Variants in CHRNA3 observed in about 807,000 individuals in gnomAD.
CHRNA3 encodes neuronal acetylcholine receptor subunit alpha-3.
In CHRNA3, 34 loss-of-function variants were observed where a neutral mutation model predicts 41.9. The ratio of observed to expected loss-of-function variants is 0.81; its 90% CI spans 0.62 to 1.08. CHRNA3 has a LOEUF of 1.08. Ranked by LOEUF, CHRNA3 falls within the 50% of genes least tolerant of loss-of-function variation. The pLI is 0.00. For missense variants in CHRNA3, 542 were observed against 638.3 expected (o/e 0.85, Z 1.63); for synonymous variants, 281 against 265.2 (o/e 1.06, Z -0.58).
At position 78,620,832 on chromosome 15, in the gene CHRNA3, G is replaced by C. The variant is rs1347302337; in HGVS notation, c.-38C>G. ...GGCTGGCCGCGGACCCGGACGGTCGGGAGCGGGCGCGGCGGTCGCAGAGAC... is the reference window on the plus strand; with the variant it reads ...GGCTGGCCGCGGACCCGGACGGTCGCGAGCGGGCGCGGCGGTCGCAGAGAC... On this transcript the variant is annotated 5_prime_UTR_variant, in exon 1 of 6. Transcript: ENST00000326828. The C allele has an allele frequency of 1.5e-6, 2 of 1,342,770 alleles. No homozygotes were observed. Among genetic ancestry groups the C allele is most frequent in the East Asian group, 6.3e-5 (2 of 31,726 alleles). The allele number at this position is 1,342,770 out of a possible 1,614,324, so 83.2% of individuals were successfully genotyped here.
rs556541096 is a variant in CHRNA3 at position 78,610,008 on chromosome 15, A to G, written c.377+7016T>C. On this transcript the variant is annotated intron_variant, in intron 4 of 5. Coordinates refer to ENST00000326828, the MANE Select transcript of CHRNA3 (RefSeq NM_000743.5). ...CCATTACATAATGGTAAAGGGATCA[A>G]TTCAACAAGAAGAGCTAACTATCCT... 1.6e-4 allele frequency among the ~76,000 whole-genome samples: 25 copies of G among 152,342 alleles called. No individual in the cohort carries two copies. In the East Asian group the frequency reaches 4.8e-3, roughly 29 times the overall value.
Position 78,601,538 on chromosome 15 carries a change from CT to C in CHRNA3, c.1103del (p.Lys368SerfsTer13), listed in dbSNP as rs771139306. On this transcript the variant is annotated frameshift_variant, in exon 5 of 6. Transcript: ENST00000326828. LOFTEE classifies it high-confidence loss of function. ...RPTSNEGNAQKPRPLYGAELS... is the reference protein window; with the variant it reads ...RPTSNEGNAQXPRPLYGAELS... The stretch of plus-strand genomic sequence containing the variant: ...GCTCGGCACCGTAGAGGGGCCTCGG[CT>C]TCTGAGCGTTGCCCTCGTTGCTTGT... 12 of 1,614,184 alleles carry C rather than the reference CT, an allele frequency of 7.4e-6. No individual in the cohort carries two copies. Among genetic ancestry groups the C allele is most frequent in the Admixed American group, 1.7e-5 (1 of 60,024 alleles).
chr15:78,606,484 T>C (rs1329083451), intron 4 of CHRNA3, among the ~76,000 whole-genome samples: 3 of 152,004 alleles, frequency 2.0e-5, no homozygotes, highest in Non-Finnish European at 4.4e-5. Context: ...TTTTTCAAAA[T>C]TGTGAAAGAA....
chr15:78,616,404 G>A (rs556527170), intron 4 of CHRNA3, among the ~76,000 whole-genome samples: 1 of 125,630 alleles, frequency 8.0e-6, no homozygotes, highest in South Asian at 2.7e-4. Flanking sequence ...CCAGTCAGCA[G>A]GCTGGGAACC....
intron 4 of CHRNA3, among the ~76,000 whole-genome samples, chr15:78,606,022 A>T (rs2053280706): frequency 6.6e-6 from 1 of 152,118 alleles, no homozygotes; most frequent in African/African-American, 2.4e-5. Context: ...ATGAAAACAT[A>T]TTGTAAGAAA....
Position 78,596,585 on chromosome 15 carries a change from C to A in CHRNA3, c.*19G>T. 1.3e-6 allele frequency: 2 copies of A among 1,537,588 alleles called. No individual in the cohort carries two copies. Among genetic ancestry groups the A allele is most frequent in the Non-Finnish European group, 1.7e-6 (2 of 1,146,776 alleles). The stretch of plus-strand genomic sequence containing the variant: ...CCCTGACACAAGGAAGTCTCCCAGG[C>A]AGGCACACAGCTTAGTGCTTATGCA... On this transcript the variant is annotated 3_prime_UTR_variant, in exon 6 of 6. Transcript: ENST00000326828.
chr15:78,613,613 T>G (rs2053415699), intron 4 of CHRNA3, among the ~76,000 whole-genome samples: 1 of 150,966 alleles, frequency 6.6e-6, no homozygotes, highest in African/African-American at 2.4e-5. Flanking sequence ...GAGATATACC[T>G]AATGCTAAAT....
downstream of CHRNA3, chr15:78,594,335 T>C (rs756892955): frequency 6.6e-6 from 1 of 152,168 alleles, no homozygotes; most frequent in Non-Finnish European, 1.5e-5. Context: ...TCTTTATCCT[T>C]GATCTTAGAA....
chr15:78,613,742 A>C (rs868333930), intron 4 of CHRNA3, among the ~76,000 whole-genome samples: 28 of 147,100 alleles, frequency 1.9e-4, no homozygotes, highest in African/African-American at 6.5e-4. Context: ...TTAAAAAAAA[A>C]CTGTAAAGCA....
chr15:78,609,697 A>T (rs908033376), intron 4 of CHRNA3, among the ~76,000 whole-genome samples: 3 of 152,136 alleles, frequency 2.0e-5, no homozygotes, highest in Admixed American at 2.0e-4. Context: ...CAGCTAACAT[A>T]ATAATGACAG....
intron 5 of CHRNA3, among the ~76,000 whole-genome samples, chr15:78,597,475 G>A (rs139676986): frequency 5.7e-4 from 86 of 152,064 alleles, no homozygotes; most frequent in African/African-American, 2.0e-3. Context: ...TTCCAAAAAT[G>A]AGATAAGCGT....
At position 78,620,725 on chromosome 15, in the gene CHRNA3, ACAGCAGCAGCAG is replaced by A; in HGVS notation, c.58_69del (p.Leu20_Leu23del). ...CCTGTGCGCGTACCTGGCAGCAGAG[ACAGCAGCAGCAG>A]CAGCAGCAGCCGCGGCGGCGACAGC... On this transcript the variant is annotated inframe_deletion, in exon 1 of 6. Transcript: ENST00000326828. The A allele has an allele frequency of 2.1e-6, 3 of 1,462,604 alleles. No homozygotes were observed. Among genetic ancestry groups the A allele is most frequent in the South Asian group, 2.5e-5 (2 of 78,612 alleles). 90.6% of individuals were successfully genotyped at this position (1,462,604 alleles called of 1,614,324 possible).
chr15:78,606,368 GAATT>G (rs2053288421), intron 4 of CHRNA3, among the ~76,000 whole-genome samples: 1 of 147,172 alleles, frequency 6.8e-6, no homozygotes, highest in South Asian at 2.1e-4. Context: ...ACAAGTAACT[GAATT>G]AACACACACG....
intron 4 of CHRNA3, among the ~76,000 whole-genome samples, chr15:78,602,466 A>G (rs1218849903): frequency 1.3e-5 from 2 of 152,124 alleles, no homozygotes; most frequent in African/African-American, 2.4e-5. Context: ...CCCAACAACA[A>G]TCTGAGATAT....
chr15:78,606,872 G>A (rs1057409002), intron 4 of CHRNA3, among the ~76,000 whole-genome samples: 1 of 151,760 alleles, frequency 6.6e-6, no homozygotes, highest in African/African-American at 2.4e-5. Context: ...ACGAGAGTCT[G>A]TCTCAAAAAA....
chr15:78,618,430 CA>C, intron 3 of CHRNA3, 186 bp downstream of exon 3: 1 of 635,342 alleles, frequency 1.6e-6, no homozygotes, highest in Non-Finnish European at 2.8e-6. Context: ...ACAGTCCTTC[CA>C]GGGGGACTGT....
chr15:78,609,654 G>C (rs2053351713), intron 4 of CHRNA3, among the ~76,000 whole-genome samples: 2 of 152,292 alleles, frequency 1.3e-5, no homozygotes, highest in Admixed American at 1.3e-4. Flanking sequence ...TCAAGGCTAG[G>C]AAGAAACTGC....
chr15:78,620,320 A>G, intron 1 of CHRNA3: 1 of 214,500 alleles, frequency 4.7e-6, no homozygotes, highest in Non-Finnish European at 9.3e-6. Flanking sequence ...GGTGGGCGGG[A>G]TGCAGACGGT....
In CHRNA3 at chr15:78,596,264, A is replaced by G; in HGVS notation, c.*340T>C. 2 of 994,484 alleles carry G rather than the reference A, an allele frequency of 2.0e-6. No individual in the cohort carries two copies. The highest frequency in any genetic ancestry group is 1.2e-6 in the Non-Finnish European group (1 of 836,004). 61.6% of individuals were successfully genotyped at this position (994,484 alleles called of 1,614,324 possible). ...TGTAGTGATAACTGAATGACTTTTC[A>G]TATTTCTGAACAGCATTTTTCTATC... On this transcript the variant is annotated 3_prime_UTR_variant, in exon 6 of 6. Transcript: ENST00000326828.
Sources: gnomAD v4.1 joint callset for allele counts (sites outside exome capture counted in the v4.1 genomes callset) on GRCh38, gnomAD v4.1.1 for gene constraint, MANE v1.5 for transcripts, NCBI Gene and HGNC (gene_info 2026-07-23, HGNC 2026-07-21) for gene names.